CARF: variants seen among roughly 807,000 people sequenced by gnomAD.
CARF encodes calcium responsive transcription factor, also known as calcium-responsive transcription factor.
In CARF, 57 loss-of-function variants were observed where a neutral mutation model predicts 82.0. That is an observed-to-expected ratio of 0.70 (90% CI 0.56 to 0.87). The LOEUF (loss-of-function observed/expected upper bound fraction) is 0.87. CARF is among the 40% of genes least tolerant of loss of function. CARF has a pLI of 0.00. For synonymous variants in CARF, 268 were observed against 290.1 expected, an observed-to-expected ratio of 0.92 and a Z score of 0.77; for missense variants, 771 against 855.8, an observed-to-expected ratio of 0.90 and a Z score of 1.24.
rs1318920416 is a variant in CARF at position 202,986,879 on chromosome 2, T to TATATATAC, written c.*3262_*3263insCATATATA. ...AAAAATGTCTGTGCGTATATATATA[T>TATATATAC]ATATATATATATATATATATATATA... On this transcript the variant is annotated 3_prime_UTR_variant, in exon 17 of 17. Coordinates refer to ENST00000438828, the MANE Select transcript of CARF (RefSeq NM_024744.17). The TATATATAC allele has an allele frequency of 2.5e-3, 294 of 116,812 alleles. 7 individuals are homozygous for TATATATAC. Among genetic ancestry groups the TATATATAC allele is most frequent in the African/African-American group, 8.3e-3 (282 of 33,958 alleles). The allele number at this position is 116,812 out of a possible 1,614,324, so 7.2% of individuals were successfully genotyped here.
chr2:202,980,820 T>C (rs1291521126), intron 14 of CARF, among the ~76,000 whole-genome samples: 1 of 151,438 alleles, frequency 6.6e-6, no homozygotes, highest in Non-Finnish European at 1.5e-5. Context: ...CTACATTGTA[T>C]TGTGTATTAT....
intron 3 of CARF, among the ~76,000 whole-genome samples, chr2:202,941,303 C>T (rs1406968557): frequency 6.6e-6 from 1 of 151,998 alleles, no homozygotes; most frequent in African/African-American, 2.4e-5. Flanking sequence ...CTGTAGTAGA[C>T]CTAAGTGGCT....
intron 1 of CARF, among the ~76,000 whole-genome samples, chr2:202,913,368 A>C (rs1281702483): frequency 1.3e-5 from 2 of 152,154 alleles, no homozygotes; most frequent in Non-Finnish European, 2.9e-5. Context: ...CTGCTACTTG[A>C]TTAACCTTTT....
chr2:202,945,334 T>C (rs2058444069), intron 5 of CARF, among the ~76,000 whole-genome samples: 1 of 152,304 alleles, frequency 6.6e-6, no homozygotes, highest in South Asian at 2.1e-4. Flanking sequence ...TACTTTTAAC[T>C]TTTACTTTAG....
intron 3 of CARF, among the ~76,000 whole-genome samples, chr2:202,937,987 G>C (rs556698388): frequency 6.6e-6 from 1 of 151,746 alleles, no homozygotes; most frequent in Non-Finnish European, 1.5e-5. Context: ...TGGGGTACAT[G>C]AAATGTTTTG....
At position 202,987,433 on chromosome 2, in the gene CARF, T is replaced by A. The variant is rs1317663992; in HGVS notation, c.*3809T>A. On this transcript the variant is annotated 3_prime_UTR_variant, in exon 17 of 17. Transcript: ENST00000438828. ...AAAATCTTAATCTCTCCAGAAGGGA[T>A]ACTGCATTGGTTCTTCTCCATCAGC... Among the ~76,000 whole-genome samples the A allele has an allele frequency of 6.6e-6, 1 of 152,180 alleles. No homozygotes were observed. Among genetic ancestry groups the A allele is most frequent in the Admixed American group, 6.6e-5 (1 of 15,264 alleles).
intron 10 of CARF, among the ~76,000 whole-genome samples, chr2:202,968,039 G>T (rs952861524): frequency 2.0e-5 from 3 of 152,142 alleles, no homozygotes; most frequent in African/African-American, 7.2e-5. Flanking sequence ...AAATTTAAAA[G>T]ATAATATGTA....
rs1312320256 is a variant in CARF, at chr2:202,966,972, C to T, written c.833-6C>T. ...ATTAATATCAATAGTTGGTTTTGGC[C>T]CACAGGGAGTAGAGCTGTGGTAATG... On this transcript the variant is annotated splice_region_variant and splice_polypyrimidine_tract_variant and intron_variant, in intron 9 of 16. Coordinates refer to ENST00000438828, the MANE Select transcript of CARF (RefSeq NM_024744.17). 1 of 1,611,678 alleles carries T rather than the reference C, an allele frequency of 6.2e-7. No homozygotes were observed. The highest frequency in any genetic ancestry group is 8.5e-7 in the Non-Finnish European group (1 of 1,179,192).
intron 10 of CARF, among the ~76,000 whole-genome samples, chr2:202,968,019 G>C (rs1295575465): frequency 1.3e-5 from 2 of 152,104 alleles, no homozygotes; most frequent in Non-Finnish European, 2.9e-5. Flanking sequence ...AAACTATTAA[G>C]TAAAATAAAA....
chr2:202,917,186 GGGCGA>G (rs1157899904), intron 1 of CARF, among the ~76,000 whole-genome samples: 1 of 137,540 alleles, frequency 7.3e-6, no homozygotes, highest in Non-Finnish European at 1.5e-5. Flanking sequence ...ACTCCAGCCT[GGGCGA>G]CAGAGCGAGA....
rs1437729473 is a variant in CARF, at chr2:202,969,866, T to C, written c.954-53T>C. 3 of 1,158,954 alleles carry C rather than the reference T, an allele frequency of 2.6e-6. No individual in the cohort carries two copies. In the African/African-American group the frequency reaches 4.9e-5, roughly 19 times the overall value. 71.8% of individuals were successfully genotyped at this position (1,158,954 alleles called of 1,614,324 possible). On this transcript the variant is annotated intron_variant, in intron 10 of 16. Coordinates refer to ENST00000438828, the MANE Select transcript of CARF (RefSeq NM_024744.17). ...GTAGACTTCTGGTTGATAAGATAGA[T>C]TATCTTGAGATTATAATATAATGAA...
rs968674507 is a variant in CARF at position 202,917,197 on chromosome 2, C to T, written c.-329-680C>T. 2.5e-4 allele frequency among the ~76,000 whole-genome samples: 25 copies of T among 100,716 alleles called. 1 individual carries two copies. Among genetic ancestry groups the T allele is most frequent in the African/African-American group, 9.8e-4 (25 of 25,436 alleles). 66.1% of individuals were successfully genotyped at this position (100,716 alleles called of 152,430 possible). A position where few individuals can be genotyped will look rare whatever the true frequency, so the allele number is the denominator to read the frequency against. On this transcript the variant is annotated intron_variant, in intron 1 of 16. Transcript: ENST00000438828. ...CTGCACTCCAGCCTGGGCGACAGAG[C>T]GAGACTCCGTCTCAAAAAAAAAAAA... is the stretch of plus-strand genomic sequence containing the variant.
At chr2:202,924,917 A>G in intron 3 of CARF, 1 of 257,308 alleles carries the variant, frequency 3.9e-6, no homozygotes, top group Non-Finnish European at 7.8e-6. Context: ...ACCCCGGAGA[A>G]ATTGCAGATC....
chr2:202,947,009 C>T (rs753782337), intron 5 of CARF, among the ~76,000 whole-genome samples: 2 of 152,118 alleles, frequency 1.3e-5, no homozygotes, highest in African/African-American at 2.4e-5. Context: ...GAAATAGGAA[C>T]GCTTTTACAC....
chr2:202,948,927 T>C (rs1459860222), intron 5 of CARF, among the ~76,000 whole-genome samples: 1 of 152,140 alleles, frequency 6.6e-6, no homozygotes, highest in Non-Finnish European at 1.5e-5. Context: ...CTTGTGCTGG[T>C]TTTCAAGGAG....
At chr2:202,959,789 A>G (rs1479947246) in intron 8 of CARF, among the ~76,000 whole-genome samples, 1 of 149,708 alleles carries the variant, frequency 6.7e-6, no homozygotes, top group African/African-American at 2.5e-5. Flanking sequence ...AACCTGGGCA[A>G]CAAGAGTGAA....
chr2:202,979,808 AAAAG>A (rs998210563), intron 14 of CARF, among the ~76,000 whole-genome samples: 3 of 152,080 alleles, frequency 2.0e-5, no homozygotes, highest in East Asian at 1.9e-4. Context: ...CAAAAAAAAA[AAAAG>A]AAAGAAAAGA....
chr2:202,961,206 A>G (rs2059306846), intron 8 of CARF, 31 bp from the exon 9 acceptor site: 8 of 1,554,896 alleles, frequency 5.1e-6, no homozygotes, highest in Non-Finnish European at 6.2e-6. Flanking sequence ...GTGTATTGCT[A>G]GTAATTTTGT....
rs1018787564 is a variant in CARF, at chr2:202,941,767, A to G, written c.-43-93A>G. On this transcript the variant is annotated intron_variant, in intron 3 of 16. Coordinates refer to ENST00000438828, the MANE Select transcript of CARF (RefSeq NM_024744.17). ...TGATTTTACCTAAATTATATAGGGT[A>G]CCACAGTAGTGAATATGAGAGATTT... 6 of 583,456 alleles carry G rather than the reference A, an allele frequency of 1.0e-5. No individual in the cohort carries two copies. The African/African-American group carries it at 1.1e-4, about 11-fold the overall frequency. The allele number at this position is 583,456 out of a possible 1,614,324, so 36.1% of individuals were successfully genotyped here. A position where few individuals can be genotyped will look rare whatever the true frequency, so the allele number is the denominator to read the frequency against.
Sources: gnomAD v4.1 joint callset for allele counts (sites outside exome capture counted in the v4.1 genomes callset) on GRCh38, gnomAD v4.1.1 for gene constraint, MANE v1.5 for transcripts, NCBI Gene and HGNC (gene_info 2026-07-23, HGNC 2026-07-21) for gene names.